SLC52A1: variants seen among roughly 807,000 people sequenced by gnomAD.
The protein encoded by SLC52A1 is solute carrier family 52, riboflavin transporter, member 1.
Under a neutral mutation model 23.2 loss-of-function variants are expected in SLC52A1, and 20 were observed. The observed-to-expected ratio is 0.86, with a 90% confidence interval of 0.61 to 1.25. The LOEUF (loss-of-function observed/expected upper bound fraction) is 1.25, where lower values mean the gene tolerates loss of function less well. SLC52A1 is among the 50% of genes most tolerant of loss of function. The pLI is 0.00. For synonymous variants in SLC52A1, 260 were observed against 256.6 expected (o/e 1.01, Z -0.13); for missense variants, 528 against 557.0 (o/e 0.95, Z 0.52).
At chr17:5,040,355 G>T (rs1025607159), upstream of SLC52A1, among the ~76,000 whole-genome samples, 9 of 151,968 alleles carry the variant, frequency 5.9e-5, no homozygotes, top group African/African-American at 1.7e-4. Flanking sequence ...TAAATTCTTT[G>T]TAGAGACTAG....
rs1975400338 is a variant in SLC52A1 at position 5,034,168 on chromosome 17, C to T, written c.321G>A (p.Gly107=). 2.5e-6 allele frequency: 4 copies of T among 1,614,062 alleles called. No individual in the cohort carries two copies. In the African/African-American group the frequency reaches 5.3e-5, roughly 22 times the overall value. The change falls in exon 3 of 5, where the codon GGG becomes GGA. Residue 107 remains glycine (G), a synonymous_variant. Transcript: ENST00000254853. ...PLWHHVAPVA[G]QLHSVAFLTL... ...TTAGGAAGGCCACAGAGTGGAGCTG[C>T]CCTGCCACTGGGGCCACGTGGTGCC... is the stretch of plus-strand genomic sequence containing the variant.
upstream of SLC52A1, among the ~76,000 whole-genome samples, chr17:5,035,770 C>T (rs1436553778): frequency 6.8e-6 from 1 of 146,550 alleles, no homozygotes; most frequent in Non-Finnish European, 1.5e-5. Context: ...TCGCGGCTCA[C>T]TACAGCCTCA....
At chr17:5,039,221 G>T (rs183583130), upstream of SLC52A1, among the ~76,000 whole-genome samples, 2,845 of 151,740 alleles carry the variant, frequency 0.019, 35 homozygotes, top group Non-Finnish European at 0.028. Flanking sequence ...TTCTTGGGAG[G>T]CTGAGGCAGG....
upstream of SLC52A1, among the ~76,000 whole-genome samples, chr17:5,039,177 G>A (rs970460098): frequency 1.3e-5 from 2 of 151,878 alleles, no homozygotes; most frequent in East Asian, 4.0e-4. Flanking sequence ...ACAAAAATCA[G>A]CTGGGCTTGG....
intron 1 of SLC52A1, among the ~76,000 whole-genome samples, chr17:5,042,293 G>A (rs2096193229): frequency 6.6e-6 from 1 of 152,114 alleles, no homozygotes; most frequent in Non-Finnish European, 1.5e-5. Context: ...ACTTCCTCTT[G>A]AACCCCTGTC....
At chr17:5,038,740 C>A (rs377037470), upstream of SLC52A1, among the ~76,000 whole-genome samples, 1 of 151,984 alleles carries the variant, frequency 6.6e-6, no homozygotes, top group Non-Finnish European at 1.5e-5. Context: ...GCGCCCACCA[C>A]CACACCCGGC....
At position 5,041,449 on chromosome 17, in the gene SLC52A1, A is replaced by AT. The variant is rs546407742; in HGVS notation, c.-107-6737dup. 6.2e-3 allele frequency among the ~76,000 whole-genome samples: 932 copies of AT among 149,680 alleles called. 5 individuals are homozygous for AT. Among genetic ancestry groups the AT allele is most frequent in the South Asian group, 0.015 (72 of 4,696 alleles). ...AGGTGCACACCACCATGCCCAGCGA[A>AT]TTTTTTTTTGTTTCTTTGTTTTGTT... On this transcript the variant is annotated intron_variant, in intron 1 of 3. Transcript: ENST00000512825.
chr17:5,035,669 TG>T (rs1157242342), upstream of SLC52A1, among the ~76,000 whole-genome samples: 13 of 152,284 alleles, frequency 8.5e-5, no homozygotes, highest in Admixed American at 7.8e-4. Context: ...CCCACACAGC[TG>T]GGGTTTTGTT....
chr17:5,038,212 G>A (rs565086702), upstream of SLC52A1, among the ~76,000 whole-genome samples: 48 of 151,990 alleles, frequency 3.2e-4, no homozygotes, highest in South Asian at 7.5e-3. Flanking sequence ...GAGCCACTGC[G>A]CCCGGCCTAA....
In SLC52A1 at chr17:5,034,174, C is replaced by A; in HGVS notation, c.315G>T (p.Val105=). ...LAPLWHHVAP[V]AGQLHSVAFL... The stretch of plus-strand genomic sequence containing the variant: ...AGGCCACAGAGTGGAGCTGCCCTGC[C>A]ACTGGGGCCACGTGGTGCCACAGAG... Residue 105 remains valine, a synonymous_variant, in exon 3 of 5, where the codon GTG becomes GTT. Transcript: ENST00000254853. 1.2e-6 allele frequency: 2 copies of A among 1,614,164 alleles called. No homozygotes were observed.
In SLC52A1 at chr17:5,034,693, T is replaced by A; in HGVS notation, c.-87A>T. 1 of 1,540,896 alleles carries A rather than the reference T, an allele frequency of 6.5e-7. No individual in the cohort carries two copies. Among genetic ancestry groups the A allele is most frequent in the Non-Finnish European group, 8.8e-7 (1 of 1,139,884 alleles). On this transcript the variant is annotated 5_prime_UTR_variant, in exon 2 of 5. Transcript: ENST00000254853. ...AGGTCCAAAGATGCTTTGGTTCTTC[T>A]GGAAACTGAAGACCTTCTAGCTGGA...
At chr17:5,038,082 C>G (rs1433634063), upstream of SLC52A1, among the ~76,000 whole-genome samples, 1 of 151,784 alleles carries the variant, frequency 6.6e-6, no homozygotes, top group African/African-American at 2.4e-5. Context: ...CCACGCCCGG[C>G]TAATTTTTTG....
rs1975341457 is a variant in SLC52A1 at position 5,032,779 on chromosome 17, G to A, written c.*178C>T. 1.6e-5 allele frequency: 10 copies of A among 620,126 alleles called. No individual in the cohort carries two copies. The highest frequency in any genetic ancestry group is 2.8e-5 in the East Asian group (1 of 36,142). The allele number at this position is 620,126 out of a possible 1,614,324, so 38.4% of individuals were successfully genotyped here. ...CAGCCCCAACCTGTCCCCTGGCTCTGGGCCTGGTCTTTGGTGCCCACCCTG... is the reference window on the plus strand; with the variant it reads ...CAGCCCCAACCTGTCCCCTGGCTCTAGGCCTGGTCTTTGGTGCCCACCCTG... On this transcript the variant is annotated 3_prime_UTR_variant, in exon 5 of 5. Coordinates refer to ENST00000254853, the MANE Select transcript of SLC52A1 (RefSeq NM_017986.4).
Position 5,033,348 on chromosome 17 carries a change from GC to G in SLC52A1, c.1046del (p.Gly349AlafsTer8). The G allele has an allele frequency of 6.2e-7, 1 of 1,614,120 alleles. No individual in the cohort carries two copies. On this transcript the variant is annotated frameshift_variant, in exon 4 of 5. Transcript: ENST00000254853. LOFTEE classifies it high-confidence loss of function. ...LAGLVGLSLL[G>X]MLFGAYLMAL... Reference sequence around the variant, plus strand: ...CCATCAGGTAGGCCCCAAAGAGCATGCCCAGCAGAGAAAGACCAACCAGCCC... The same window carrying G: ...CCATCAGGTAGGCCCCAAAGAGCATGCCAGCAGAGAAAGACCAACCAGCCC...
Position 5,033,023 on chromosome 17 carries a change from G to A in SLC52A1, c.1281C>T (p.Phe427=). 6.2e-7 allele frequency: 1 copy of A among 1,613,736 alleles called. No individual in the cohort carries two copies. Among genetic ancestry groups the A allele is most frequent in the Non-Finnish European group, 8.5e-7 (1 of 1,180,014 alleles). The change falls in exon 5 of 5, where the codon TTC becomes TTT. Residue 427 remains phenylalanine, a synonymous_variant. Transcript: ENST00000254853. The part of the protein sequence containing the change: ...VGSLLGAGAM[F]PPTSIYHVFQ... Reference sequence around the variant, plus strand: ...ACACGTGGTAGATGCTGGTGGGAGGGAACATGGCACCGGCACCAAGCAGGG... The same window carrying A: ...ACACGTGGTAGATGCTGGTGGGAGGAAACATGGCACCGGCACCAAGCAGGG...
upstream of SLC52A1, among the ~76,000 whole-genome samples, chr17:5,035,956 G>A (rs572392110): frequency 4.3e-3 from 553 of 129,868 alleles, 2 homozygotes; most frequent in African/African-American, 0.015. Context: ...CTGGGCTCAA[G>A]CAATCTTCCT....
Position 5,033,527 on chromosome 17 carries a change from C to CT in SLC52A1, c.961dup (p.Ser321LysfsTer179). 6.2e-7 allele frequency: 1 copy of CT among 1,613,364 alleles called. No individual in the cohort carries two copies. Among genetic ancestry groups the CT allele is most frequent in the Admixed American group, 1.7e-5 (1 of 59,958 alleles). ...GAAGCAGGCAAGGGGGTTGGCGGCA[C>CT]TGCCCAGCACCACAGCCAGGTGGTA... On this transcript the variant is annotated frameshift_variant, in exon 3 of 5. Coordinates refer to ENST00000254853, the MANE Select transcript of SLC52A1 (RefSeq NM_017986.4). LOFTEE classifies it high-confidence loss of function.
chr17:5,032,898 C>A lies in SLC52A1; in HGVS notation c.*59G>T. The A allele has an allele frequency of 6.7e-7, 1 of 1,501,210 alleles. No individual in the cohort carries two copies. 93.0% of individuals were successfully genotyped at this position (1,501,210 alleles called of 1,614,324 possible). ...TGCCTGGGCCACAAGTAGTCAGGCA[C>A]TGTGGCAGCCTCACGATGAAGACAG... is the stretch of plus-strand genomic sequence containing the variant. On this transcript the variant is annotated 3_prime_UTR_variant, in exon 5 of 5. Coordinates refer to ENST00000254853, the MANE Select transcript of SLC52A1 (RefSeq NM_017986.4).
At position 5,034,513 on chromosome 17, in the gene SLC52A1, C is replaced by A; in HGVS notation, c.94G>T (p.Val32Leu). ...TCTTTTACCACCACAGGCAGCTCCA[C>A]CCAGATCCCGTTCACAGCAGCCCAG... is the stretch of plus-strand genomic sequence containing the variant. ...GSWAAVNGIWVELPVVVKDLP... is the reference protein window; with the variant it reads ...GSWAAVNGIWLELPVVVKDLP... The change falls in exon 2 of 5, where the codon GTG becomes TTG. Residue 32 changes from valine to leucine, a missense_variant. Coordinates refer to ENST00000254853, the MANE Select transcript of SLC52A1 (RefSeq NM_017986.4). 6.2e-7 allele frequency: 1 copy of A among 1,614,240 alleles called. No homozygotes were observed. The highest frequency in any genetic ancestry group is 8.5e-7 in the Non-Finnish European group (1 of 1,180,036).
Sources: gnomAD v4.1 joint callset for allele counts (sites outside exome capture counted in the v4.1 genomes callset) on GRCh38, gnomAD v4.1.1 for gene constraint, MANE v1.5 for transcripts, NCBI Gene and HGNC (gene_info 2026-07-23, HGNC 2026-07-21) for gene names.